AOX1: variants seen among roughly 807,000 people sequenced by gnomAD.
AOX1 encodes the protein aldehyde oxidase 1, also known as aldehyde oxidase.
A neutral mutation model predicts 169.5 loss-of-function variants in AOX1; 153 were observed. That is an observed-to-expected ratio of 0.90 (90% CI 0.79 to 1.03). AOX1 has a LOEUF of 1.03. AOX1 is among the 50% of genes least tolerant of loss of function. The pLI, the probability that AOX1 is intolerant of heterozygous loss-of-function variation, is 0.00. For missense variants in AOX1, 1,656 were observed against 1,663.9 expected (o/e 1.00, Z 0.08); for synonymous variants, 562 against 581.9 (o/e 0.97, Z 0.49).
intron 1 of AOX1, 48 bp from the exon 2 acceptor site, chr2:200,593,098 A>T (rs766357746): frequency 1.8e-5 from 26 of 1,417,708 alleles, no homozygotes; most frequent in Non-Finnish European, 4.0e-6. Context: ...ACCAATGTGA[A>T]TTTCATATTA....
chr2:200,660,179 C>T, intron 29 of AOX1, 110 bp downstream of exon 29: 2 of 867,166 alleles, frequency 2.3e-6, no homozygotes, highest in Non-Finnish European at 3.7e-6. Flanking sequence ...TGCAAAGGTA[C>T]CACCATTGTG....
At chr2:200,621,011 G>C in intron 17 of AOX1, 109 bp from the exon 18 acceptor site, 1 of 1,403,966 alleles carries the variant, frequency 7.1e-7, no homozygotes, top group Admixed American at 2.3e-5. Context: ...CCAATTGTCT[G>C]GCAGAGACTG....
intron 26 of AOX1, among the ~76,000 whole-genome samples, chr2:200,654,267 C>T (rs900230428): frequency 1.3e-5 from 2 of 150,124 alleles, no homozygotes; most frequent in African/African-American, 4.9e-5. Context: ...CCTCCTCAAT[C>T]GTCAGCAACC....
chr2:200,619,117 A>G (rs920590851), intron 16 of AOX1, among the ~76,000 whole-genome samples: 1 of 152,240 alleles, frequency 6.6e-6, no homozygotes, highest in African/African-American at 2.4e-5. Context: ...CTCCCCGCTC[A>G]GATGCCTTAA....
intron 13 of AOX1, 66 bp downstream of exon 13, chr2:200,611,559 T>C: frequency 2.9e-6 from 3 of 1,035,956 alleles, no homozygotes; most frequent in Non-Finnish European, 3.0e-6. Context: ...TATTCCAGTA[T>C]ATGGTGGAAT....
At chr2:200,618,533 G>GT (rs199912656) in intron 16 of AOX1, among the ~76,000 whole-genome samples, 1,795 of 152,184 alleles carry the variant, frequency 0.012, 49 homozygotes, top group African/African-American at 0.04. Context: ...AAATAATATG[G>GT]TTTTTTTATT....
At chr2:200,604,162 G>A in intron 8 of AOX1, 65 bp downstream of exon 8, 2 of 1,223,662 alleles carry the variant, frequency 1.6e-6, no homozygotes, top group Non-Finnish European at 2.4e-6. Context: ...AAGGGTATTT[G>A]TTTATGGGTT....
In AOX1 at chr2:200,602,080, A is replaced by G. The variant is rs538414605; in HGVS notation, c.437-204A>G. ...TAACTTTACAGGAGAAAGTACAAAT[A>G]CCTGAGCTTTTAAAATCTGCCTCAA... is the stretch of plus-strand genomic sequence containing the variant. On this transcript the variant is annotated intron_variant, in intron 5 of 34. Transcript: ENST00000374700. Among the ~76,000 whole-genome samples the G allele has an allele frequency of 1.3e-4, 20 of 152,138 alleles. No individual in the cohort carries two copies. In the East Asian group the frequency reaches 3.7e-3, roughly 28 times the overall value.
chr2:200,592,702 A>C (rs1242320761), intron 1 of AOX1, among the ~76,000 whole-genome samples: 1 of 146,950 alleles, frequency 6.8e-6, no homozygotes, highest in African/African-American at 2.4e-5. Context: ...GAACAAGATA[A>C]ACAAACAAGT....
Position 200,612,617 on chromosome 2 carries a change from T to C in AOX1, c.1272T>C (p.Phe424=), listed in dbSNP as rs574332964. 6.2e-7 allele frequency: 1 copy of C among 1,613,354 alleles called. No homozygotes were observed. The highest frequency in any genetic ancestry group is 8.5e-7 in the Non-Finnish European group (1 of 1,179,854). ...VNIPYSRKWE[F]VSAFRQAQRQ... is the part of the protein sequence containing the mutation. Reference sequence around the variant, plus strand: ...TTAACTGTTTCTTTCAGTGGGAATTTGTGTCAGCCTTCCGACAAGCCCAGC... The same window carrying C: ...TTAACTGTTTCTTTCAGTGGGAATTCGTGTCAGCCTTCCGACAAGCCCAGC... Residue 424 remains phenylalanine, a synonymous_variant, in exon 14 of 35, where the codon TTT becomes TTC. Transcript: ENST00000374700.
chr2:200,651,133 A>G lies in AOX1; in HGVS notation c.3007A>G (p.Lys1003Glu). 2 of 1,614,156 alleles carry G rather than the reference A, an allele frequency of 1.2e-6. No homozygotes were observed. The highest frequency in any genetic ancestry group is 1.7e-6 in the Non-Finnish European group (2 of 1,180,020). The change falls in exon 26 of 35, where the codon AAG becomes GAG. Residue 1003 changes from lysine (K) to glutamate (E), a missense_variant. Transcript: ENST00000374700. ...AAAGTTCAATGCAGAGAATTATTGG[A>G]AGAAGAAAGGACTGGCCATGGTCCC... ...VEKFNAENYWKKKGLAMVPLK... is the reference protein window; with the variant it reads ...VEKFNAENYWEKKGLAMVPLK...
rs969859051 is a variant in AOX1 at position 200,612,667 on chromosome 2, T to C, written c.1322T>C (p.Val441Ala). The C allele has an allele frequency of 1.2e-6, 2 of 1,614,076 alleles. No individual in the cohort carries two copies. The highest frequency in any genetic ancestry group is 8.5e-7 in the Non-Finnish European group (1 of 1,180,010). The change falls in exon 14 of 35, where the codon GTC (valine) becomes GCC (alanine). Residue 441 changes from valine to alanine, a missense_variant. Transcript: ENST00000374700. Reference sequence around the variant, plus strand: ...CGACAGGAGAATGCGCTAGCGATAGTCAATTCAGGAATGAGAGTCTTTTTT... The same window carrying C: ...CGACAGGAGAATGCGCTAGCGATAGCCAATTCAGGAATGAGAGTCTTTTTT... ...AQRQENALAI[V>A]NSGMRVFFGE...
intron 19 of AOX1, among the ~76,000 whole-genome samples, chr2:200,625,366 C>T (rs2034978848): frequency 6.6e-6 from 1 of 152,064 alleles, no homozygotes; most frequent in African/African-American, 2.4e-5. Flanking sequence ...ATCTACTCTC[C>T]ACTCCCCCTA....
intron 1 of AOX1, among the ~76,000 whole-genome samples, chr2:200,588,868 G>T (rs1489994011): frequency 1.3e-5 from 2 of 151,424 alleles, no homozygotes; most frequent in Non-Finnish European, 2.9e-5. Flanking sequence ...TGGCCAAGCT[G>T]GTCTCAAACT....
At chr2:200,680,834 C>T (rs2036146448), downstream of AOX1, among the ~76,000 whole-genome samples, 1 of 152,148 alleles carries the variant, frequency 6.6e-6, no homozygotes, top group Admixed American at 6.5e-5. Flanking sequence ...GTGTGAGCCA[C>T]CATATACCCA....
At chr2:200,653,256 C>G (rs1454460761) in intron 26 of AOX1, among the ~76,000 whole-genome samples, 1 of 152,228 alleles carries the variant, frequency 6.6e-6, no homozygotes, top group Non-Finnish European at 1.5e-5. Flanking sequence ...ACCTGGGAAA[C>G]TGACCAACTT....
chr2:200,587,033 G>A (rs1469454565), intron 1 of AOX1, among the ~76,000 whole-genome samples: 2 of 152,052 alleles, frequency 1.3e-5, no homozygotes, highest in African/African-American at 2.4e-5. Context: ...TTGGGAGACC[G>A]AGGCAGGAGG....
intron 16 of AOX1, among the ~76,000 whole-genome samples, chr2:200,620,207 T>TTTTTTTTTTTTTTTTTTG (rs2034854760): frequency 6.6e-6 from 1 of 150,900 alleles, no homozygotes; most frequent in Non-Finnish European, 1.5e-5. Flanking sequence ...GACTTTTTTT[T>TTTTTTTTTTTTTTTTTTG]TTTTTTTTTT....
chr2:200,628,911 A>G (rs2035058492), intron 20 of AOX1, among the ~76,000 whole-genome samples: 1 of 152,148 alleles, frequency 6.6e-6, no homozygotes, highest in South Asian at 2.1e-4. Context: ...TGGGTGACAG[A>G]AGGAGACTCC....
Sources: allele counts gnomAD v4.1 joint callset (sites outside exome capture counted in the v4.1 genomes callset), GRCh38; gene constraint gnomAD v4.1.1; transcripts MANE v1.5; gene names NCBI Gene and HGNC (gene_info 2026-07-23, HGNC 2026-07-21).